RAB21: variants seen among roughly 807,000 people sequenced by gnomAD.
The protein encoded by RAB21 is ras-related protein Rab-21.
RAB21 carries 13 observed loss-of-function variants against 33.1 expected under a neutral mutation model. The ratio of observed to expected loss-of-function variants is 0.39; its 90% CI spans 0.26 to 0.62. The LOEUF is 0.62. Ranked by LOEUF, RAB21 falls within the 20% of genes least tolerant of loss-of-function variation. RAB21 has a pLI of 0.48. For missense variants in RAB21, 234 were observed against 279.1 expected, an observed-to-expected ratio of 0.84 and a Z score of 1.15; for synonymous variants, 91 against 103.7, an observed-to-expected ratio of 0.88 and a Z score of 0.74.
chr12:71,773,837 T>A (rs920402012), intron 3 of RAB21, 122 bp from the exon 4 acceptor site: 16 of 649,818 alleles, frequency 2.5e-5, no homozygotes, highest in Non-Finnish European at 4.2e-5. Flanking sequence ...TTTCTAGTAA[T>A]AACTAAATAA....
Position 71,785,731 on chromosome 12 carries a change from A to C in RAB21, c.*58A>C. The C allele has an allele frequency of 1.9e-6, 3 of 1,571,900 alleles. No individual in the cohort carries two copies. The Admixed American group carries it at 5.1e-5, about 27-fold the overall frequency. On this transcript the variant is annotated 3_prime_UTR_variant, in exon 7 of 7. Transcript: ENST00000261263. Reference sequence around the variant, plus strand: ...AAAACTGTGGATCATTGCCCTCAACATGAAGACTGCCATATTCCAAGTCAC... The same window carrying C: ...AAAACTGTGGATCATTGCCCTCAACCTGAAGACTGCCATATTCCAAGTCAC...
In RAB21 at chr12:71,782,086, G is replaced by A. The variant is rs2137657406; in HGVS notation, c.446+1G>A. ...ATGTTTCCATTCAAGAAGCAGAGTC[G>A]TAAGTACTGTGACCCTCCCATTCCC... On this transcript the variant is annotated splice_donor_variant, in intron 5 of 6. Coordinates refer to ENST00000261263, the MANE Select transcript of RAB21 (RefSeq NM_014999.4). LOFTEE classifies it high-confidence loss of function. 2 of 1,606,742 alleles carry A rather than the reference G, an allele frequency of 1.2e-6. No homozygotes were observed. Among genetic ancestry groups the A allele is most frequent in the Non-Finnish European group, 1.7e-6 (2 of 1,173,922 alleles).
chr12:71,785,487 C>G, intron 6 of RAB21, 44 bp from the exon 7 acceptor site: 2 of 1,599,218 alleles, frequency 1.3e-6, no homozygotes, highest in Non-Finnish European at 1.7e-6. Flanking sequence ...AGAGAAAACA[C>G]AAATATTGTG....
intron 3 of RAB21, among the ~76,000 whole-genome samples, chr12:71,773,447 C>T (rs536072734): frequency 1.3e-5 from 2 of 152,126 alleles, no homozygotes; most frequent in Admixed American, 1.3e-4. Context: ...GTTGCAAAAC[C>T]CTGTCGTACA....
chr12:71,757,189 A>T (rs1039143452), intron 1 of RAB21, among the ~76,000 whole-genome samples: 1 of 152,098 alleles, frequency 6.6e-6, no homozygotes, highest in Non-Finnish European at 1.5e-5. Context: ...ACTCACTGCA[A>T]CCTCCACCTC....
At chr12:71,773,881 G>A (rs1490295231) in intron 3 of RAB21, 78 bp from the exon 4 acceptor site, 1 of 943,560 alleles carries the variant, frequency 1.1e-6, no homozygotes, top group East Asian at 2.5e-5. Flanking sequence ...TATTTTGACA[G>A]TGTTGAGTTT....
rs186660959 is a variant in RAB21 at position 71,790,035 on chromosome 12, A to G, written c.*4362A>G. The G allele has an allele frequency of 1.4e-4, 21 of 152,240 alleles. No individual in the cohort carries two copies. Among genetic ancestry groups the G allele is most frequent in the Admixed American group, 1.4e-3 (21 of 15,290 alleles). 9.4% of individuals were successfully genotyped at this position (152,240 alleles called of 1,614,324 possible). On this transcript the variant is annotated 3_prime_UTR_variant, in exon 7 of 7. Transcript: ENST00000261263. ...TTTAGCAGTTCTTGTGCTATCTAGGATTTATACATTTTTGCTTTTCTGGAA... is the reference window on the plus strand; with the variant it reads ...TTTAGCAGTTCTTGTGCTATCTAGGGTTTATACATTTTTGCTTTTCTGGAA...
chr12:71,777,397 T>C (rs1883137630), intron 4 of RAB21, among the ~76,000 whole-genome samples: 1 of 152,262 alleles, frequency 6.6e-6, no homozygotes, highest in African/African-American at 2.4e-5. Context: ...GATTGCTGTC[T>C]AATACTTTAA....
intron 3 of RAB21, among the ~76,000 whole-genome samples, chr12:71,772,890 G>A (rs1883064604): frequency 6.6e-6 from 1 of 152,116 alleles, no homozygotes; most frequent in South Asian, 2.1e-4. Flanking sequence ...AAGGATTTTG[G>A]GTTGCCAAAG....
At chr12:71,770,943 T>C (rs1883033672) in intron 3 of RAB21, among the ~76,000 whole-genome samples, 1 of 152,202 alleles carries the variant, frequency 6.6e-6, no homozygotes, top group Non-Finnish European at 1.5e-5. Context: ...TAATGCCTTA[T>C]TACATGGCTT....
In RAB21 at chr12:71,782,627, A is replaced by T. The variant is rs1883219268; in HGVS notation, c.504A>T (p.Gly168=). The change falls in exon 6 of 7, where the codon GGA becomes GGT. Residue 168 remains glycine (G), a synonymous_variant. Transcript: ENST00000261263. ...ATACTTCAGCCAAACAGAACAAAGG[A>T]ATTGAGGAACTCTTTCTTGACCTTT... is the stretch of plus-strand genomic sequence containing the variant. ...HYHTSAKQNK[G]IEELFLDLCK... 1.9e-6 allele frequency: 3 copies of T among 1,601,018 alleles called. No homozygotes were observed. Among genetic ancestry groups the T allele is most frequent in the Admixed American group, 1.7e-5 (1 of 58,486 alleles).
Position 71,791,839 on chromosome 12 carries a change from C to T in RAB21, c.*6166C>T, listed in dbSNP as rs1166416874. On this transcript the variant is annotated 3_prime_UTR_variant, in exon 7 of 7. Transcript: ENST00000261263. ...TTCCACCCTCAACTGACCAATTTAC[C>T]AAGGCCAACTAGAATCATACTTCTT... The T allele has an allele frequency of 2.0e-5, 3 of 152,076 alleles. No homozygotes were observed. Among genetic ancestry groups the T allele is most frequent in the African/African-American group, 7.2e-5 (3 of 41,390 alleles). The allele number at this position is 152,076 out of a possible 1,614,324, so 9.4% of individuals were successfully genotyped here.
intron 1 of RAB21, 100 bp downstream of exon 1, chr12:71,755,388 A>G (rs2137634818): frequency 2.3e-6 from 3 of 1,319,806 alleles, no homozygotes; most frequent in East Asian, 3.2e-5. Flanking sequence ...AGGCTGGCAA[A>G]TCTCAGGCCT....
intron 1 of RAB21, among the ~76,000 whole-genome samples, chr12:71,762,774 G>T (rs1232804035): frequency 2.0e-5 from 3 of 152,064 alleles, no homozygotes; most frequent in African/African-American, 4.8e-5. Context: ...TAGAGATGGG[G>T]TTTCACCTTG....
In RAB21 at chr12:71,791,431, A is replaced by T. The variant is rs1011540746; in HGVS notation, c.*5758A>T. 1.3e-5 allele frequency: 2 copies of T among 152,242 alleles called. No homozygotes were observed. 9.4% of individuals were successfully genotyped at this position (152,242 alleles called of 1,614,324 possible). A position where few individuals can be genotyped will look rare whatever the true frequency, so the allele number is the denominator to read the frequency against. ...TGGCTGACGGTTGACTGCTTAGTGTATAAAATCTAGGAGTTAACTTTAGCA... is the reference window on the plus strand; with the variant it reads ...TGGCTGACGGTTGACTGCTTAGTGTTTAAAATCTAGGAGTTAACTTTAGCA... On this transcript the variant is annotated 3_prime_UTR_variant, in exon 7 of 7. Transcript: ENST00000261263.
At chr12:71,769,529 C>G (rs772190270) in intron 1 of RAB21, among the ~76,000 whole-genome samples, 2 of 151,908 alleles carry the variant, frequency 1.3e-5, no homozygotes, top group Admixed American at 1.3e-4. Context: ...AAATTTTGTT[C>G]CACATAGATA....
chr12:71,761,913 A>G (rs1032643478), intron 1 of RAB21, among the ~76,000 whole-genome samples: 4 of 152,198 alleles, frequency 2.6e-5, no homozygotes, highest in African/African-American at 9.6e-5. Flanking sequence ...CTTTGTTTGC[A>G]TAAAGAATAT....
chr12:71,756,773 A>G (rs77307130), intron 1 of RAB21, among the ~76,000 whole-genome samples: 5,790 of 152,328 alleles, frequency 0.038, 372 homozygotes, highest in African/African-American at 0.13. Flanking sequence ...ACTTAGGTAA[A>G]GTAGTAACAA....
chr12:71,767,391 G>A (rs1592644941), intron 1 of RAB21, among the ~76,000 whole-genome samples: 1 of 152,112 alleles, frequency 6.6e-6, no homozygotes. Flanking sequence ...ATGACCAAAA[G>A]GTTATGATAT....
Sources: allele counts gnomAD v4.1 joint callset (sites outside exome capture counted in the v4.1 genomes callset), GRCh38; gene constraint gnomAD v4.1.1; transcripts MANE v1.5; gene names NCBI Gene and HGNC (gene_info 2026-07-23, HGNC 2026-07-21).